GRIN2A: variants seen among roughly 807,000 people sequenced by gnomAD.
GRIN2A encodes glutamate receptor ionotropic, NMDA 2A.
In GRIN2A, 22 loss-of-function variants were observed where a neutral mutation model predicts 113.4. The ratio of observed to expected loss-of-function variants is 0.19; its 90% CI spans 0.14 to 0.28. GRIN2A has a LOEUF of 0.28. Ranked by LOEUF, GRIN2A falls within the 10% of genes least tolerant of loss-of-function variation. The pLI is 1.00. For missense variants in GRIN2A, 1,502 were observed against 1,887.0 expected, an observed-to-expected ratio of 0.80 and a Z score of 3.78; for synonymous variants, 827 against 738.4, an observed-to-expected ratio of 1.12 and a Z score of -1.94.
At chr16:10,132,402 T>C (rs1022899276) in intron 2 of GRIN2A, among the ~76,000 whole-genome samples, 1 of 139,710 alleles carries the variant, frequency 7.2e-6, no homozygotes, top group Non-Finnish European at 1.5e-5. Flanking sequence ...CAGTAATGGG[T>C]GGCAAAGCTG....
intron 2 of GRIN2A, among the ~76,000 whole-genome samples, chr16:10,078,104 C>T (rs755345661): frequency 7.2e-5 from 11 of 152,290 alleles, no homozygotes; most frequent in Middle Eastern, 3.4e-3. Flanking sequence ...TCCAGCTGTG[C>T]GGTTTATTGC....
chr16:9,940,371 T>C (rs2044843026), intron 2 of GRIN2A, among the ~76,000 whole-genome samples: 1 of 152,214 alleles, frequency 6.6e-6, no homozygotes, highest in African/African-American at 2.4e-5. Context: ...ATTAAATTAA[T>C]TAAAGTGGGT....
chr16:9,930,907 T>C (rs1007343966), intron 3 of GRIN2A, among the ~76,000 whole-genome samples: 1 of 152,238 alleles, frequency 6.6e-6, no homozygotes, highest in African/African-American at 2.4e-5. Context: ...CATATATATC[T>C]TCCTTCTATT....
At chr16:10,065,142 T>C (rs2047623977) in intron 2 of GRIN2A, among the ~76,000 whole-genome samples, 2 of 152,358 alleles carry the variant, frequency 1.3e-5, no homozygotes, top group Admixed American at 6.5e-5. Context: ...CATTCATACA[T>C]GCCAGTAAGT....
intron 3 of GRIN2A, among the ~76,000 whole-genome samples, chr16:9,908,552 G>C (rs962602470): frequency 1.3e-5 from 2 of 152,060 alleles, no homozygotes; most frequent in South Asian, 2.1e-4. Context: ...AAGAGGAAAA[G>C]AAGAGAAGTC....
At chr16:9,809,499 C>G (rs987130129) in intron 10 of GRIN2A, among the ~76,000 whole-genome samples, 1 of 150,928 alleles carries the variant, frequency 6.6e-6, no homozygotes, top group African/African-American at 2.4e-5. Flanking sequence ...ATCAAACAGA[C>G]AACAGATTGG....
At chr16:9,944,811 G>A (rs2044978647) in intron 2 of GRIN2A, among the ~76,000 whole-genome samples, 1 of 152,130 alleles carries the variant, frequency 6.6e-6, no homozygotes, top group Admixed American at 6.5e-5. Context: ...CATGCTCTAT[G>A]TACTTAAGCA....
At chr16:10,000,386 A>C (rs1296585349) in intron 2 of GRIN2A, among the ~76,000 whole-genome samples, 1 of 152,178 alleles carries the variant, frequency 6.6e-6, no homozygotes, top group African/African-American at 2.4e-5. Context: ...TAAAAGGAAA[A>C]TAAGTAGCAG....
At position 9,757,954 on chromosome 16, in the gene GRIN2A, TC is replaced by T. The variant is rs1900425819; in HGVS notation, c.*5194del. On this transcript the variant is annotated 3_prime_UTR_variant, in exon 13 of 13. Transcript: ENST00000330684. The stretch of plus-strand genomic sequence containing the variant: ...CTTATTCCAGAGCTACTCAGGAGTT[TC>T]CCCTTGAAAGAAACCTAGAAATAAG... The T allele has an allele frequency of 9.0e-6, 2 of 222,564 alleles. No homozygotes were observed. The highest frequency in any genetic ancestry group is 1.8e-5 in the Non-Finnish European group (2 of 111,278). The allele number at this position is 222,564 out of a possible 1,614,324, so 13.8% of individuals were successfully genotyped here.
chr16:10,017,382 TG>T (rs1219401165), intron 2 of GRIN2A, among the ~76,000 whole-genome samples: 2 of 151,818 alleles, frequency 1.3e-5, no homozygotes, highest in East Asian at 1.9e-4. Context: ...ACCTGGGGGC[TG>T]GGGATCATGA....
chr16:9,954,398 G>A (rs1414870029), intron 2 of GRIN2A, among the ~76,000 whole-genome samples: 3 of 152,036 alleles, frequency 2.0e-5, no homozygotes, highest in Non-Finnish European at 2.9e-5. Flanking sequence ...TAAGACGGCT[G>A]CTCTTTCCAG....
At chr16:10,095,513 G>C (rs1284989768) in intron 2 of GRIN2A, among the ~76,000 whole-genome samples, 3 of 152,196 alleles carry the variant, frequency 2.0e-5, no homozygotes, top group African/African-American at 7.2e-5. Flanking sequence ...TAAAGAGAAG[G>C]AATGATGGAG....
intron 2 of GRIN2A, among the ~76,000 whole-genome samples, chr16:9,963,413 C>G (rs1410193271): frequency 6.6e-6 from 1 of 151,948 alleles, no homozygotes; most frequent in Non-Finnish European, 1.5e-5. Context: ...GGTATTTGTC[C>G]TAATGCTCTC....
At chr16:9,775,520 C>A (rs1469763385) in intron 11 of GRIN2A, among the ~76,000 whole-genome samples, 1 of 152,148 alleles carries the variant, frequency 6.6e-6, no homozygotes, top group Non-Finnish European at 1.5e-5. Context: ...TCATGAAAAC[C>A]AGTAGTTACG....
chr16:10,104,975 G>C (rs575820072), intron 2 of GRIN2A, among the ~76,000 whole-genome samples: 3 of 152,224 alleles, frequency 2.0e-5, no homozygotes, highest in South Asian at 2.1e-4. Context: ...GTGCAGCAGA[G>C]GCATAAAATA....
At chr16:10,066,173 G>A (rs565248150) in intron 2 of GRIN2A, among the ~76,000 whole-genome samples, 10 of 152,320 alleles carry the variant, frequency 6.6e-5, no homozygotes, top group Non-Finnish European at 1.0e-4. Flanking sequence ...CGGTGTTGGA[G>A]TGGGAGGCTG....
intron 2 of GRIN2A, among the ~76,000 whole-genome samples, chr16:10,090,570 T>A (rs1237399386): frequency 6.6e-6 from 1 of 151,912 alleles, no homozygotes; most frequent in Non-Finnish European, 1.5e-5. Context: ...CAACTAAAAC[T>A]ATAAGGCTCC....
chr16:10,145,309 A>C (rs1345892561), intron 2 of GRIN2A, among the ~76,000 whole-genome samples: 1 of 152,182 alleles, frequency 6.6e-6, no homozygotes, highest in East Asian at 1.9e-4. Flanking sequence ...TTCTTAAGAG[A>C]GATCTCATCT....
chr16:9,811,761 AAAAC>A (rs748338402), intron 10 of GRIN2A, among the ~76,000 whole-genome samples: 68 of 152,278 alleles, frequency 4.5e-4, no homozygotes, highest in Admixed American at 3.3e-4. Flanking sequence ...TCTGTCTCAA[AAAAC>A]AAACAAACAA....
Sources: gnomAD v4.1 joint callset for allele counts (sites outside exome capture counted in the v4.1 genomes callset) on GRCh38, gnomAD v4.1.1 for gene constraint, MANE v1.5 for transcripts, NCBI Gene and HGNC (gene_info 2026-07-23, HGNC 2026-07-21) for gene names.